PAFAH1B1: variants seen among roughly 807,000 people sequenced by gnomAD.
The protein encoded by PAFAH1B1 is platelet activating factor acetylhydrolase 1b regulatory subunit 1, also known as platelet-activating factor acetylhydrolase IB subunit beta.
In PAFAH1B1, 2 loss-of-function variants were observed where a neutral mutation model predicts 57.5. The observed-to-expected ratio is 0.03, with a 90% confidence interval of 0.01 to 0.11. The LOEUF (loss-of-function observed/expected upper bound fraction) is 0.11, where lower values mean the gene tolerates loss of function less well. Among genes scored for constraint, PAFAH1B1 ranks in the 10% least tolerant of loss-of-function variants. The probability of loss-of-function intolerance (pLI) is 1.00; values close to 1 mark genes in which losing one functional copy is unlikely to be tolerated. For missense variants in PAFAH1B1, 257 were observed against 512.0 expected (o/e 0.50, Z 4.81); for synonymous variants, 152 against 169.6 (o/e 0.90, Z 0.81).
intron 2 of PAFAH1B1, among the ~76,000 whole-genome samples, chr17:2,663,701 A>ATTTT (rs11396911): frequency 1.7e-4 from 25 of 146,392 alleles, no homozygotes; most frequent in African/African-American, 6.3e-4. Context: ...AATTCTCTGG[A>ATTTT]TTTTTTTTTT....
Position 2,670,237 on chromosome 17 carries a change from C to T in PAFAH1B1, c.474C>T (p.Phe158=), listed in dbSNP as rs116237011. The T allele has an allele frequency of 1.1e-3, 1,731 of 1,614,002 alleles. 17 individuals are homozygous for T. The African/African-American group carries it at 0.02, about 19-fold the overall frequency. ...CAGACTCTGTACAGGACATTTCATT[C>T]GACCACAGCGGCAAGCTTCTGGCTT... is the stretch of plus-strand genomic sequence containing the variant. ...GHTDSVQDIS[F]DHSGKLLASC... is the part of the protein sequence containing the mutation. The change falls in exon 6 of 11, where the codon TTC becomes TTT. Residue 158 remains phenylalanine (F), a synonymous_variant. Coordinates refer to ENST00000397195, the MANE Select transcript of PAFAH1B1 (RefSeq NM_000430.4).
At chr17:2,674,522 A>G (rs1349504571) in intron 8 of PAFAH1B1, among the ~76,000 whole-genome samples, 1 of 152,222 alleles carries the variant, frequency 6.6e-6, no homozygotes, top group Non-Finnish European at 1.5e-5. Flanking sequence ...GTATTCTCCT[A>G]AAGAATTAAA....
At chr17:2,626,873 TG>T (rs1254339652) in intron 1 of PAFAH1B1, among the ~76,000 whole-genome samples, 3 of 152,142 alleles carry the variant, frequency 2.0e-5, no homozygotes, top group African/African-American at 7.2e-5. Context: ...ATATGTTTGT[TG>T]GCCATTTGTA....
intron 1 of PAFAH1B1, among the ~76,000 whole-genome samples, chr17:2,607,826 C>CCA: frequency 6.6e-6 from 1 of 152,148 alleles, no homozygotes; most frequent in Non-Finnish European, 1.5e-5. Flanking sequence ...TGTCCACCTT[C>CCA]CTCTTCTCAG....
intron 1 of PAFAH1B1, among the ~76,000 whole-genome samples, chr17:2,607,336 G>T (rs775123671): frequency 6.6e-6 from 1 of 151,406 alleles, no homozygotes; most frequent in Non-Finnish European, 1.5e-5. Context: ...AGCGTGCCCG[G>T]CTGATTTTTT....
At chr17:2,606,543 A>T in intron 1 of PAFAH1B1, among the ~76,000 whole-genome samples, 1 of 151,884 alleles carries the variant, frequency 6.6e-6, no homozygotes, top group East Asian at 1.9e-4. Context: ...TTGTATTTTT[A>T]GTAGAGATGG....
Position 2,683,636 on chromosome 17 carries a change from A to G in PAFAH1B1, c.*1834A>G, listed in dbSNP as rs1473920831. On this transcript the variant is annotated 3_prime_UTR_variant, in exon 11 of 11. Transcript: ENST00000397195. Reference sequence around the variant, plus strand: ...GGGAAAGTTTTGAGAACTAATGGCTATTTTTGAGGACAAAAATTACATCTT... The same window carrying G: ...GGGAAAGTTTTGAGAACTAATGGCTGTTTTTGAGGACAAAAATTACATCTT... 6.6e-6 allele frequency: 1 copy of G among 152,572 alleles called. No individual in the cohort carries two copies. Among genetic ancestry groups the G allele is most frequent in the Non-Finnish European group, 1.5e-5 (1 of 68,026 alleles). 9.5% of individuals were successfully genotyped at this position (152,572 alleles called of 1,614,324 possible).
In PAFAH1B1 at chr17:2,665,430, T is replaced by C; in HGVS notation, c.91T>C (p.Phe31Leu). 1 of 1,604,016 alleles carries C rather than the reference T, an allele frequency of 6.2e-7. No individual in the cohort carries two copies. Among genetic ancestry groups the C allele is most frequent in the Non-Finnish European group, 8.5e-7 (1 of 1,171,798 alleles). ...TGGCTATGAAGAGGCATATTCAGTT[T>C]TTAAAAAGGAAGCTGAATTAGATGT... The part of the protein sequence containing the change: ...SNGYEEAYSV[F>L]KKEAELDVNE... Residue 31 changes from phenylalanine to leucine, a missense_variant, in exon 3 of 11, where the codon TTT becomes CTT. Coordinates refer to ENST00000397195, the MANE Select transcript of PAFAH1B1 (RefSeq NM_000430.4).
intron 1 of PAFAH1B1, among the ~76,000 whole-genome samples, chr17:2,612,084 G>A (rs1030660173): frequency 1.3e-5 from 2 of 152,038 alleles, no homozygotes; most frequent in East Asian, 1.9e-4. Flanking sequence ...AACCCTAGTA[G>A]TATCTTGGTG....
In PAFAH1B1 at chr17:2,609,191, C is replaced by T. The variant is rs199725993; in HGVS notation, c.-191+15185C>T. The stretch of plus-strand genomic sequence containing the variant: ...CTTCTTGAATTTTTTTTTCCCCCTG[C>T]TGGAGATGGGGTCTCACTCTGGTGC... On this transcript the variant is annotated intron_variant, in intron 1 of 10. Coordinates refer to ENST00000397195, the MANE Select transcript of PAFAH1B1 (RefSeq NM_000430.4). 3.4e-3 allele frequency among the ~76,000 whole-genome samples: 515 copies of T among 152,232 alleles called. 2 individuals are homozygous for T. Among genetic ancestry groups the T allele is most frequent in the African/African-American group, 0.012 (484 of 41,538 alleles).
At chr17:2,659,593 G>A (rs932966332) in intron 2 of PAFAH1B1, 1 of 162,708 alleles carries the variant, frequency 6.1e-6, no homozygotes, top group African/African-American at 2.4e-5. Context: ...AGCACTGGGA[G>A]GCCAAGGCAG....
intron 1 of PAFAH1B1, among the ~76,000 whole-genome samples, chr17:2,621,607 C>CTTTTTTTTTTT (rs534219431): frequency 1.2e-5 from 1 of 84,762 alleles, no homozygotes; most frequent in African/African-American, 6.8e-5. Flanking sequence ...GATAATCTGT[C>CTTTTTTTTTTT]TTTTTTTTTT....
intron 5 of PAFAH1B1, among the ~76,000 whole-genome samples, chr17:2,668,821 A>C (rs1250531467): frequency 2.0e-5 from 3 of 151,994 alleles, no homozygotes; most frequent in African/African-American, 4.8e-5. Flanking sequence ...TAAAAAATAC[A>C]AAAAATTAGC....
chr17:2,617,389 G>A (rs929751821), intron 1 of PAFAH1B1, among the ~76,000 whole-genome samples: 2 of 152,138 alleles, frequency 1.3e-5, no homozygotes. Context: ...AATGAATGAA[G>A]TATAGTGGTT....
chr17:2,652,213 A>G (rs7219436), intron 2 of PAFAH1B1, among the ~76,000 whole-genome samples: 28,557 of 151,924 alleles, frequency 0.19, 3,067 homozygotes, highest in Non-Finnish European at 0.26. Context: ...GATCGAGACC[A>G]TCCTGGCTAA....
chr17:2,665,282 T>G, intron 2 of PAFAH1B1, 90 bp from the exon 3 acceptor site: 3 of 780,530 alleles, frequency 3.8e-6, no homozygotes, highest in Non-Finnish European at 6.7e-6. Context: ...AAAGAGTATC[T>G]TCAGGGTTAA....
chr17:2,638,351 A>G (rs747770213), intron 2 of PAFAH1B1, 31 bp downstream of exon 2: 1 of 1,592,824 alleles, frequency 6.3e-7, no homozygotes, highest in South Asian at 1.1e-5. Context: ...CTTTAAAAAA[A>G]ATCTCCCTCA....
At chr17:2,679,745 G>A in intron 9 of PAFAH1B1, 1 of 237,700 alleles carries the variant, frequency 4.2e-6, no homozygotes, top group South Asian at 5.4e-5. Flanking sequence ...ATGTATGTGT[G>A]TATATTTTGC....
chr17:2,655,485 C>A (rs1187349241), intron 2 of PAFAH1B1, among the ~76,000 whole-genome samples: 1 of 152,084 alleles, frequency 6.6e-6, no homozygotes, highest in Non-Finnish European at 1.5e-5. Context: ...ATCAGCCTGA[C>A]CAACATGGAG....
Sources: allele counts gnomAD v4.1 joint callset (sites outside exome capture counted in the v4.1 genomes callset), GRCh38; gene constraint gnomAD v4.1.1; transcripts MANE v1.5; gene names NCBI Gene and HGNC (gene_info 2026-07-23, HGNC 2026-07-21).